RNGTT: variants seen among roughly 807,000 people sequenced by gnomAD.
The protein encoded by RNGTT is mRNA-capping enzyme.
In RNGTT, 33 loss-of-function variants were observed where a neutral mutation model predicts 79.3. The observed-to-expected ratio is 0.42, with a 90% CI of 0.32 to 0.56. The LOEUF is 0.56. Ranked by LOEUF, RNGTT falls within the 20% of genes least tolerant of loss-of-function variation. The pLI is 0.17. For synonymous variants in RNGTT, 222 were observed against 235.9 expected (o/e 0.94, Z 0.54); for missense variants, 497 against 739.1 (o/e 0.67, Z 3.80).
intron 13 of RNGTT, among the ~76,000 whole-genome samples, chr6:88,766,453 G>A (rs1173264086): frequency 6.6e-6 from 1 of 151,986 alleles, no homozygotes; most frequent in Non-Finnish European, 1.5e-5. Context: ...GCTCTCAGAT[G>A]AAAATCTATA....
chr6:88,765,865 T>G (rs7743595), intron 13 of RNGTT, among the ~76,000 whole-genome samples: 21,093 of 152,154 alleles, frequency 0.14, 1,602 homozygotes, highest in Middle Eastern at 0.24. Flanking sequence ...GTTTAACAGT[T>G]ATGACAAATT....
intron 13 of RNGTT, among the ~76,000 whole-genome samples, chr6:88,706,123 A>G (rs1776121986): frequency 6.6e-6 from 1 of 152,118 alleles, no homozygotes; most frequent in African/African-American, 2.4e-5. Flanking sequence ...TCATGACTTT[A>G]AGAAAAAATT....
chr6:88,744,364 C>A (rs1358471073), intron 13 of RNGTT, among the ~76,000 whole-genome samples: 1 of 152,036 alleles, frequency 6.6e-6, no homozygotes, highest in Non-Finnish European at 1.5e-5. Context: ...CGGGTTTAAG[C>A]GATTCTCCCA....
intron 14 of RNGTT, among the ~76,000 whole-genome samples, chr6:88,649,685 A>G (rs1250180120): frequency 6.6e-6 from 1 of 152,038 alleles, no homozygotes; most frequent in Non-Finnish European, 1.5e-5. Context: ...TGAAAGAGCG[A>G]GACTAAGTCT....
chr6:88,727,304 T>G (rs1180560877), intron 13 of RNGTT, among the ~76,000 whole-genome samples: 2 of 152,194 alleles, frequency 1.3e-5, no homozygotes, highest in African/African-American at 4.8e-5. Flanking sequence ...GAATGTGGAT[T>G]TTTACATACA....
In RNGTT at chr6:88,657,154, G is replaced by A. The variant is rs529022706; in HGVS notation, c.1506+21199C>T. 5.9e-5 allele frequency among the ~76,000 whole-genome samples: 9 copies of A among 152,264 alleles called. No homozygotes were observed. The South Asian group carries it at 1.7e-3, about 28-fold the overall frequency. ...AAGTCACAGACCCTTTGAAAGAAGT[G>A]GCTTGCTGCTGCAAACTCCATGAGA... is the stretch of plus-strand genomic sequence containing the variant. On this transcript the variant is annotated intron_variant, in intron 14 of 15. Transcript: ENST00000369485.
chr6:88,688,158 T>C (rs1018391354), intron 13 of RNGTT, among the ~76,000 whole-genome samples: 2 of 152,196 alleles, frequency 1.3e-5, no homozygotes, highest in Non-Finnish European at 1.5e-5. Flanking sequence ...GTTTCTCATA[T>C]GGGTACTGGT....
chr6:88,741,206 C>T (rs1185835010), intron 13 of RNGTT, among the ~76,000 whole-genome samples: 3 of 152,040 alleles, frequency 2.0e-5, no homozygotes, highest in African/African-American at 7.2e-5. Context: ...AGGTGCCCAT[C>T]AACAGTGGAT....
At chr6:88,709,650 C>T (rs1039606424) in intron 13 of RNGTT, among the ~76,000 whole-genome samples, 1 of 152,190 alleles carries the variant, frequency 6.6e-6, no homozygotes, top group Non-Finnish European at 1.5e-5. Context: ...CATAGCAATA[C>T]ATATCAGTTA....
intron 13 of RNGTT, among the ~76,000 whole-genome samples, chr6:88,733,372 C>A (rs959420304): frequency 1.3e-5 from 2 of 150,204 alleles, no homozygotes; most frequent in Non-Finnish European, 3.0e-5. Flanking sequence ...CCCCCACCCC[C>A]CCTCCAAAAA....
At chr6:88,929,953 C>T (rs978427669) in intron 2 of RNGTT, among the ~76,000 whole-genome samples, 2 of 147,586 alleles carry the variant, frequency 1.4e-5, no homozygotes, top group African/African-American at 5.0e-5. Flanking sequence ...CATATACACA[C>T]GTATATACAT....
intron 13 of RNGTT, among the ~76,000 whole-genome samples, chr6:88,729,311 C>G (rs60191242): frequency 0.023 from 3,368 of 149,200 alleles, 109 homozygotes; most frequent in African/African-American, 0.079. Flanking sequence ...TGGACACTGT[C>G]AAGTAACTAA....
chr6:88,661,579 G>A (rs559166218), intron 14 of RNGTT, among the ~76,000 whole-genome samples: 5 of 151,728 alleles, frequency 3.3e-5, no homozygotes, highest in African/African-American at 9.7e-5. Context: ...CTAGAGGAGA[G>A]GGATAAATTC....
chr6:88,687,387 A>G (rs1178424214), intron 13 of RNGTT, among the ~76,000 whole-genome samples: 2 of 152,202 alleles, frequency 1.3e-5, no homozygotes, highest in African/African-American at 4.8e-5. Flanking sequence ...AAAACTACAC[A>G]TGCACTTAGC....
intron 14 of RNGTT, among the ~76,000 whole-genome samples, chr6:88,631,813 A>AT (rs1172834992): frequency 2.7e-5 from 2 of 74,734 alleles, no homozygotes; most frequent in Admixed American, 3.5e-4. Flanking sequence ...GGCTATATAT[A>AT]TTTTTTGTTT....
intron 12 of RNGTT, among the ~76,000 whole-genome samples, chr6:88,792,400 G>C (rs9344873): frequency 0.13 from 19,610 of 152,126 alleles, 1,442 homozygotes; most frequent in Middle Eastern, 0.23. Context: ...AAGGCTATTT[G>C]AACTGGTAAA....
chr6:88,652,598 A>T (rs1773836873), intron 14 of RNGTT, among the ~76,000 whole-genome samples: 1 of 152,124 alleles, frequency 6.6e-6, no homozygotes, highest in Non-Finnish European at 1.5e-5. Context: ...ACTTCCTATT[A>T]CAAATTTGGG....
intron 13 of RNGTT, among the ~76,000 whole-genome samples, chr6:88,689,093 T>C (rs950987099): frequency 2.6e-5 from 4 of 152,174 alleles, no homozygotes; most frequent in Non-Finnish European, 4.4e-5. Context: ...GCAGATTTTC[T>C]ACTGCAAGGG....
At chr6:88,903,014 TAAAAG>T (rs911052778) in intron 6 of RNGTT, among the ~76,000 whole-genome samples, 17 of 151,928 alleles carry the variant, frequency 1.1e-4, no homozygotes, top group African/African-American at 4.1e-4. Context: ...GAGTAACTAA[TAAAAG>T]AAAAGTAAAG....
Sources: allele counts gnomAD v4.1 joint callset (sites outside exome capture counted in the v4.1 genomes callset), GRCh38; gene constraint gnomAD v4.1.1; transcripts MANE v1.5; gene names NCBI Gene and HGNC (gene_info 2026-07-23, HGNC 2026-07-21).